Variants in ZNRF1 observed in about 807,000 individuals in gnomAD.
ZNRF1 encodes the protein zinc and ring finger 1.
Under a neutral mutation model 18.4 loss-of-function variants are expected in ZNRF1, and 3 were observed. The observed-to-expected ratio is 0.16, with a 90% confidence interval of 0.07 to 0.42. The LOEUF is 0.42. Among genes scored for constraint, ZNRF1 ranks in the 10% least tolerant of loss-of-function variants. The pLI, the probability that ZNRF1 is intolerant of heterozygous loss-of-function variation, is 0.99. For synonymous variants in ZNRF1, 157 were observed against 144.2 expected, an observed-to-expected ratio of 1.09 and a Z score of -0.64; for missense variants, 310 against 329.8, an observed-to-expected ratio of 0.94 and a Z score of 0.47.
chr16:75,086,603 AATC>A (rs2036076862), intron 1 of ZNRF1, among the ~76,000 whole-genome samples: 1 of 152,200 alleles, frequency 6.6e-6, no homozygotes. Flanking sequence ...TGTGAAAGAA[AATC>A]ATCAGTGTTA....
chr16:75,056,852 G>C (rs1204272329), intron 1 of ZNRF1, among the ~76,000 whole-genome samples: 1 of 152,096 alleles, frequency 6.6e-6, no homozygotes, highest in East Asian at 1.9e-4. Flanking sequence ...GGCCAGGCTG[G>C]TTTTGAACTC....
At chr16:75,009,488 T>C (rs2034966943) in intron 1 of ZNRF1, among the ~76,000 whole-genome samples, 1 of 152,226 alleles carries the variant, frequency 6.6e-6, no homozygotes, top group Non-Finnish European at 1.5e-5. Context: ...TGAATCGTAT[T>C]CCATTGTCTG....
chr16:75,030,055 G>T, intron 1 of ZNRF1, among the ~76,000 whole-genome samples: 2 of 112,762 alleles, frequency 1.8e-5, no homozygotes, highest in Admixed American at 1.0e-4. Flanking sequence ...AGAGCAAGAT[G>T]CTATCTCAAA....
intron 1 of ZNRF1, among the ~76,000 whole-genome samples, chr16:75,081,357 G>A (rs1414348247): frequency 6.6e-6 from 1 of 152,224 alleles, no homozygotes; most frequent in Admixed American, 6.5e-5. Flanking sequence ...TCCTGAAGGT[G>A]GAGGAAGTGA....
intron 1 of ZNRF1, 36 bp from the exon 2 acceptor site, chr16:75,093,536 G>A: frequency 1.3e-6 from 2 of 1,543,072 alleles, no homozygotes; most frequent in Non-Finnish European, 1.8e-6. Flanking sequence ...TACTGGATCT[G>A]GAGAAAACAT....
intron 1 of ZNRF1, among the ~76,000 whole-genome samples, chr16:75,081,043 C>T (rs112855777): frequency 0.021 from 3,215 of 151,846 alleles, 138 homozygotes; most frequent in African/African-American, 0.074. Context: ...CGTGGTGGTG[C>T]GCGCCTGTAG....
chr16:75,046,786 CA>C (rs1364357491), intron 1 of ZNRF1: 2 of 153,384 alleles, frequency 1.3e-5, no homozygotes, highest in Non-Finnish European at 2.9e-5. Flanking sequence ...CCGTGTTAGC[CA>C]GGATGGTCTT....
At chr16:75,076,801 G>A (rs1031436095) in intron 1 of ZNRF1, among the ~76,000 whole-genome samples, 4 of 151,548 alleles carry the variant, frequency 2.6e-5, no homozygotes, top group African/African-American at 9.7e-5. Flanking sequence ...TGAGTGTGGT[G>A]CCTTTATGAT....
At chr16:75,017,266 T>C (rs1179844398) in intron 1 of ZNRF1, among the ~76,000 whole-genome samples, 1 of 152,218 alleles carries the variant, frequency 6.6e-6, no homozygotes. Context: ...AGGATATTTA[T>C]TAGAATTAAA....
chr16:75,098,242 G>A (rs938941611), intron 2 of ZNRF1, among the ~76,000 whole-genome samples: 3 of 152,204 alleles, frequency 2.0e-5, no homozygotes, highest in African/African-American at 7.2e-5. Context: ...AAAGCGACTA[G>A]GGGAGGCCTG....
At chr16:75,089,399 G>A (rs545538201) in intron 1 of ZNRF1, among the ~76,000 whole-genome samples, 17 of 152,214 alleles carry the variant, frequency 1.1e-4, no homozygotes, top group Middle Eastern at 3.4e-3. Flanking sequence ...GTGAGCCACC[G>A]TGCCCAGCCC....
intron 1 of ZNRF1, among the ~76,000 whole-genome samples, chr16:75,051,376 T>G (rs1480580220): frequency 6.6e-6 from 1 of 151,032 alleles, no homozygotes; most frequent in African/African-American, 2.4e-5. Flanking sequence ...CCCAGCTAAT[T>G]TTTTACATTT....
intron 1 of ZNRF1, among the ~76,000 whole-genome samples, chr16:75,004,790 A>G (rs1042336225): frequency 5.3e-5 from 8 of 151,888 alleles, no homozygotes; most frequent in African/African-American, 9.7e-5. Flanking sequence ...ATTTTATACA[A>G]TCTTTTGTAG....
chr16:75,060,548 G>A (rs547015180), intron 1 of ZNRF1, among the ~76,000 whole-genome samples: 5 of 136,174 alleles, frequency 3.7e-5, no homozygotes, highest in Non-Finnish European at 7.7e-5. Context: ...GTGTGATCTC[G>A]GCTCACTGCA....
intron 1 of ZNRF1, among the ~76,000 whole-genome samples, chr16:75,042,882 G>A (rs1342946943): frequency 6.6e-6 from 1 of 152,188 alleles, no homozygotes; most frequent in Non-Finnish European, 1.5e-5. Context: ...AAGGCCTGCT[G>A]TACACCAATG....
rs1420041066 is a variant in ZNRF1 at position 75,051,900 on chromosome 16, T to C, written c.425-41672T>C. Among the ~76,000 whole-genome samples the C allele has an allele frequency of 2.6e-5, 4 of 152,256 alleles. No homozygotes were observed. The East Asian group carries it at 7.7e-4, about 29-fold the overall frequency. ...TTATTTATCTATCCACCTCTTATTT[T>C]GTACACATTTCAAAGTAAACTATAG... is the stretch of plus-strand genomic sequence containing the variant. On this transcript the variant is annotated intron_variant, in intron 1 of 4. Transcript: ENST00000335325.
intron 1 of ZNRF1, among the ~76,000 whole-genome samples, chr16:75,069,100 A>G (rs921800618): frequency 4.6e-5 from 7 of 152,082 alleles, no homozygotes; most frequent in Admixed American, 6.5e-5. Flanking sequence ...TAATTGGCTC[A>G]TCGTTTTAAA....
In ZNRF1 at chr16:75,024,637, A is replaced by G. The variant is rs534711746; in HGVS notation, c.424+24542A>G. 9.1e-4 allele frequency among the ~76,000 whole-genome samples: 138 copies of G among 152,370 alleles called. 6 individuals are homozygous for G. The South Asian group carries it at 0.026, about 29-fold the overall frequency. Reference sequence around the variant, plus strand: ...GGGTTTAGAAAGAGGCAGCATTTGCAGAAGGAAGAGGAAGAAGTTACAAAA... The same window carrying G: ...GGGTTTAGAAAGAGGCAGCATTTGCGGAAGGAAGAGGAAGAAGTTACAAAA... On this transcript the variant is annotated intron_variant, in intron 1 of 4. Coordinates refer to ENST00000335325, the MANE Select transcript of ZNRF1 (RefSeq NM_032268.5).
At chr16:75,010,711 GT>G (rs67210395) in intron 1 of ZNRF1, among the ~76,000 whole-genome samples, 1 of 74,324 alleles carries the variant, frequency 1.3e-5, no homozygotes, top group South Asian at 3.8e-4. Flanking sequence ...GTTTTTTTTT[GT>G]TTTTTTGTTT....
Sources: allele counts gnomAD v4.1 joint callset (sites outside exome capture counted in the v4.1 genomes callset), GRCh38; gene constraint gnomAD v4.1.1; transcripts MANE v1.5; gene names NCBI Gene and HGNC (gene_info 2026-07-23, HGNC 2026-07-21).